The following POLR1A variants were observed in gnomAD, a reference collection of about 807,000 sequenced individuals.
POLR1A encodes RNA polymerase I subunit A, also known as DNA-directed RNA polymerase I subunit RPA1.
In POLR1A, 84 loss-of-function variants were observed where a neutral mutation model predicts 205.3. That is an observed-to-expected ratio of 0.41 (90% CI 0.34 to 0.49). The LOEUF (loss-of-function observed/expected upper bound fraction) is 0.49, where lower values mean the gene tolerates loss of function less well. Among genes scored for constraint, POLR1A ranks in the 20% least tolerant of loss-of-function variants. The pLI is 0.22. For missense variants in POLR1A, 1,645 were observed against 2,204.5 expected, an observed-to-expected ratio of 0.75 and a Z score of 5.08; for synonymous variants, 799 against 863.7, an observed-to-expected ratio of 0.93 and a Z score of 1.31.
At chr2:86,076,030 T>C (rs904673591) in intron 11 of POLR1A, among the ~76,000 whole-genome samples, 1 of 152,144 alleles carries the variant, frequency 6.6e-6, no homozygotes, top group African/African-American at 2.4e-5. Flanking sequence ...CTGGCAGCCA[T>C]TACAATCAAG....
At position 86,043,170 on chromosome 2, in the gene POLR1A, T is replaced by C. The variant is rs936879689; in HGVS notation, c.3161A>G (p.His1054Arg). The stretch of plus-strand genomic sequence containing the variant: ...GGGATCTGCTCTGGATAAAACTTCA[T>C]GGAGATGCTGTGATTTCATTATCAC... ...YEVIMKSQHLHEVLSRADPKK... is the reference protein window; with the variant it reads ...YEVIMKSQHLREVLSRADPKK... The change falls in exon 23 of 34, where the codon CAT becomes CGT. Residue 1054 changes from histidine to arginine, a missense_variant. His to Arg is a conservative substitution (Grantham distance 29). Transcript: ENST00000263857. The C allele has an allele frequency of 1.2e-6, 2 of 1,613,472 alleles. No individual in the cohort carries two copies. Among genetic ancestry groups the C allele is most frequent in the Middle Eastern group, 1.7e-4 (1 of 5,882 alleles).
chr2:86,052,424 G>T (rs1672819112), intron 16 of POLR1A, among the ~76,000 whole-genome samples: 1 of 152,206 alleles, frequency 6.6e-6, no homozygotes, highest in Non-Finnish European at 1.5e-5. Context: ...TGGGCACGAG[G>T]GTGCCATTCT....
chr2:86,054,188 A>G lies in POLR1A; in HGVS notation c.2160T>C (p.Thr720=). 1 of 1,614,010 alleles carries G rather than the reference A, an allele frequency of 6.2e-7. No homozygotes were observed. Among genetic ancestry groups the G allele is most frequent in the Non-Finnish European group, 8.5e-7 (1 of 1,179,900 alleles). ...KITGKAWVKE[T]PRSVPGFNPD... ...GGTTAAAGCCAGGAACGGATCGAGG[A>G]GTTTCCTTCACCCAGGCTTTCCCAG... is the stretch of plus-strand genomic sequence containing the variant. Residue 720 remains threonine (T), a synonymous_variant, in exon 15 of 34, where the codon ACT becomes ACC. Coordinates refer to ENST00000263857, the MANE Select transcript of POLR1A (RefSeq NM_015425.6).
At chr2:86,074,808 G>A (rs147686755) in intron 12 of POLR1A, among the ~76,000 whole-genome samples, 3 of 152,338 alleles carry the variant, frequency 2.0e-5, no homozygotes, top group African/African-American at 7.2e-5. Context: ...TGCTGCTGAT[G>A]CTGGTCTGGG....
intron 6 of POLR1A, among the ~76,000 whole-genome samples, chr2:86,083,388 A>AT (rs60398779): frequency 0.035 from 5,243 of 151,698 alleles, 226 homozygotes; most frequent in East Asian, 0.23. Context: ...AAAAAAAAAA[A>AT]GCAAAGTAAA....
chr2:86,030,088 A>C, intron 31 of POLR1A, 108 bp downstream of exon 31: 1 of 869,648 alleles, frequency 1.1e-6, no homozygotes, highest in Non-Finnish European at 1.9e-6. Context: ...ATGGCTCAGG[A>C]AGGGCCAGAG....
intron 3 of POLR1A, 47 bp downstream of exon 3, chr2:86,098,564 C>T: frequency 1.9e-6 from 3 of 1,596,170 alleles, no homozygotes; most frequent in Non-Finnish European, 2.6e-6. Context: ...TTGTTCCCCA[C>T]ACCACTTTGC....
intron 1 of POLR1A, among the ~76,000 whole-genome samples, chr2:86,102,386 ATC>A (rs1673837030): frequency 6.6e-6 from 1 of 152,222 alleles, no homozygotes; most frequent in African/African-American, 2.4e-5. Flanking sequence ...GATGTTCAAC[ATC>A]TTTTCACATA....
At chr2:86,053,143 C>A in intron 15 of POLR1A, 143 bp from the exon 16 acceptor site, 1 of 432,316 alleles carries the variant, frequency 2.3e-6, no homozygotes, top group Non-Finnish European at 4.1e-6. Flanking sequence ...AAAAGTAGGG[C>A]ATATGTGAAA....
intron 26 of POLR1A, 32 bp downstream of exon 26, chr2:86,039,295 C>T: frequency 6.2e-7 from 1 of 1,611,566 alleles, no homozygotes; most frequent in South Asian, 1.1e-5. Flanking sequence ...ATGCCTTCAC[C>T]CCGTCTGCAA....
intron 27 of POLR1A, among the ~76,000 whole-genome samples, chr2:86,037,451 G>C (rs150514836): frequency 8.7e-4 from 132 of 152,398 alleles, no homozygotes; most frequent in African/African-American, 2.9e-3. Flanking sequence ...CCCATAAGGT[G>C]AGAGGGCAGA....
At chr2:86,029,601 T>TTC (rs1672343144) in intron 31 of POLR1A, among the ~76,000 whole-genome samples, 1 of 146,988 alleles carries the variant, frequency 6.8e-6, no homozygotes, top group Non-Finnish European at 1.5e-5. Flanking sequence ...ATTTCTTTCT[T>TTC]TTTTTTTTTT....
chr2:86,068,393 G>GGGGGGT (rs1553436066), intron 13 of POLR1A, among the ~76,000 whole-genome samples: 2 of 115,676 alleles, frequency 1.7e-5, no homozygotes, highest in African/African-American at 6.5e-5. Context: ...GGGCGGGGGG[G>GGGGGGT]GGGGGCGGGT....
intron 21 of POLR1A, 111 bp from the exon 22 acceptor site, chr2:86,044,415 A>C: frequency 8.7e-7 from 1 of 1,153,688 alleles, no homozygotes; most frequent in Admixed American, 2.0e-5. Context: ...CCTGTTCTGC[A>C]GGCAAACAAG....
chr2:86,104,503 A>G (rs1468000529), intron 1 of POLR1A, among the ~76,000 whole-genome samples: 1 of 142,154 alleles, frequency 7.0e-6, no homozygotes. Flanking sequence ...GCTGGAGTGC[A>G]GTGGCACAAT....
chr2:86,065,786 T>C (rs1673075059), intron 13 of POLR1A: 1 of 260,120 alleles, frequency 3.8e-6, no homozygotes, highest in Admixed American at 5.2e-5. Context: ...TTGGCATTTA[T>C]GCCTAAATTT....
chr2:86,094,991 A>T (rs1490652637), intron 3 of POLR1A, among the ~76,000 whole-genome samples: 1 of 152,132 alleles, frequency 6.6e-6, no homozygotes, highest in East Asian at 1.9e-4. Context: ...TTGGGCTCTC[A>T]CACTCTAAGC....
chr2:86,078,908 C>T (rs1290915115), intron 9 of POLR1A, among the ~76,000 whole-genome samples: 1 of 152,196 alleles, frequency 6.6e-6, no homozygotes, highest in Non-Finnish European at 1.5e-5. Context: ...CCTCCTCTCT[C>T]CCACTCCCTA....
Position 86,088,560 on chromosome 2 carries a change from G to A in POLR1A, c.730+6C>T, listed in dbSNP as rs781624951. ...TGGAGCTCCTCTCCAGACCCAGCCT[G>A]CTCACCCAGGGGCTCAGAGTCCTTC... is the stretch of plus-strand genomic sequence containing the variant. On this transcript the variant is annotated splice_donor_region_variant and intron_variant, in intron 6 of 33. Transcript: ENST00000263857. 1 of 1,598,550 alleles carries A rather than the reference G, an allele frequency of 6.3e-7. No individual in the cohort carries two copies.
Sources: gnomAD v4.1 joint callset for allele counts (sites outside exome capture counted in the v4.1 genomes callset) on GRCh38, gnomAD v4.1.1 for gene constraint, MANE v1.5 for transcripts, NCBI Gene and HGNC (gene_info 2026-07-23, HGNC 2026-07-21) for gene names.